The following C10orf90 variants were observed in gnomAD, a reference collection of about 807,000 sequenced individuals.
C10orf90 encodes (E2-independent) E3 ubiquitin-conjugating enzyme FATS.
In C10orf90, 56 loss-of-function variants were observed where a neutral mutation model predicts 62.5. The observed-to-expected ratio is 0.90, with a 90% confidence interval of 0.72 to 1.12. C10orf90 has a LOEUF of 1.12. Among genes scored for constraint, C10orf90 ranks in the 50% most tolerant of loss-of-function variants. The pLI, the probability that C10orf90 is intolerant of heterozygous loss-of-function variation, is 0.00. For synonymous variants in C10orf90, 386 were observed against 340.4 expected, an observed-to-expected ratio of 1.13 and a Z score of -1.47; for missense variants, 970 against 880.4, an observed-to-expected ratio of 1.10 and a Z score of -1.29.
At chr10:126,642,515 G>A (rs969253182) in intron 2 of C10orf90, among the ~76,000 whole-genome samples, 2 of 152,034 alleles carry the variant, frequency 1.3e-5, no homozygotes, top group African/African-American at 2.4e-5. Context: ...CTGGGCGACA[G>A]AGCGAGACTC....
chr10:126,654,606 G>A (rs1846355981), intron 1 of C10orf90, among the ~76,000 whole-genome samples: 1 of 152,182 alleles, frequency 6.6e-6, no homozygotes, highest in Non-Finnish European at 1.5e-5. Flanking sequence ...TCATTCCTGT[G>A]TTCACTGGAG....
In C10orf90 at chr10:126,504,576, C is replaced by T. The variant is rs751421327; in HGVS notation, c.915G>A (p.Lys305=). The part of the protein sequence containing the change: ...FSRNSSVVRL[K]VPEAHTGLCE... ...ACAACCCAGTGTGGGCCTCGGGAAC[C>T]TTCAGCCGCACCACGGAGCTGTTTC... Residue 305 remains lysine (K), a synonymous_variant, in exon 4 of 10, where the codon AAG becomes AAA. Transcript: ENST00000488181. The surrounding 1 kb of genome is among the most constrained non-coding windows in gnomAD (Gnocchi z 4.1). 3.1e-6 allele frequency: 5 copies of T among 1,614,220 alleles called. No homozygotes were observed. The highest frequency in any genetic ancestry group is 4.2e-6 in the Non-Finnish European group (5 of 1,180,040).
intron 2 of C10orf90, among the ~76,000 whole-genome samples, chr10:126,622,978 A>T (rs1490714091): frequency 1.3e-5 from 2 of 152,234 alleles, no homozygotes. Context: ...TATTAAGAAT[A>T]ACATCTGATT....
At chr10:126,607,411 A>G (rs909767258) in intron 2 of C10orf90, among the ~76,000 whole-genome samples, 10 of 152,218 alleles carry the variant, frequency 6.6e-5, no homozygotes, top group African/African-American at 2.4e-4. Context: ...AAGAAATACT[A>G]ACAAACTATG....
intron 3 of C10orf90, chr10:126,511,902 C>T (rs1450451305): frequency 6.6e-6 from 1 of 151,830 alleles, no homozygotes; most frequent in East Asian, 1.9e-4. Flanking sequence ...TCTGCATTTA[C>T]TCCTTTTAAA....
At chr10:126,507,851 C>T (rs1862850057) in intron 3 of C10orf90, among the ~76,000 whole-genome samples, 1 of 152,152 alleles carries the variant, frequency 6.6e-6, no homozygotes, top group Admixed American at 6.5e-5. Flanking sequence ...ATCCCTTCCC[C>T]TTGTAGCACT....
intron 3 of C10orf90, among the ~76,000 whole-genome samples, chr10:126,510,178 C>A (rs550100160): frequency 2.4e-4 from 37 of 152,266 alleles, no homozygotes; most frequent in African/African-American, 8.4e-4. Flanking sequence ...CAGTCACATT[C>A]TGAGAAAGTA....
chr10:126,425,751 C>T lies in C10orf90; in HGVS notation c.*113G>A, dbSNP rs1200511782. 2.3e-5 allele frequency: 26 copies of T among 1,136,892 alleles called. No individual in the cohort carries two copies. The highest frequency in any genetic ancestry group is 4.9e-5 in the South Asian group (3 of 60,610). The allele number at this position is 1,136,892 out of a possible 1,614,324, so 70.4% of individuals were successfully genotyped here. A position where few individuals can be genotyped will look rare whatever the true frequency, so the allele number is the denominator to read the frequency against. The stretch of plus-strand genomic sequence containing the variant: ...GTTTTCCTTTATGGAAAAAAAAAAT[C>T]GAAAGTAAAATAAGTGTTTTCCCAT... On this transcript the variant is annotated 3_prime_UTR_variant, in exon 10 of 10. Coordinates refer to ENST00000488181, the MANE Select transcript of C10orf90 (RefSeq NM_001350921.2).
chr10:126,470,869 CT>C (rs113491322), intron 4 of C10orf90, among the ~76,000 whole-genome samples: 2 of 151,818 alleles, frequency 1.3e-5, no homozygotes, highest in East Asian at 3.9e-4. Flanking sequence ...ATTTTCTCTG[CT>C]TTTTTTTCTG....
At chr10:126,429,659 C>T in intron 8 of C10orf90, 128 bp downstream of exon 8, 2 of 701,512 alleles carry the variant, frequency 2.9e-6, no homozygotes, top group Non-Finnish European at 5.0e-6. Context: ...TTCAGATTTG[C>T]AGCCAAAAAG....
At chr10:126,631,945 CTG>C (rs2133830722) in intron 2 of C10orf90, among the ~76,000 whole-genome samples, 2 of 152,208 alleles carry the variant, frequency 1.3e-5, no homozygotes, top group East Asian at 3.9e-4. Flanking sequence ...GGACCAGACA[CTG>C]TCCTCACGTG....
chr10:126,429,652 A>C (rs930849338), intron 8 of C10orf90, 135 bp downstream of exon 8: 1 of 675,088 alleles, frequency 1.5e-6, no homozygotes, highest in African/African-American at 1.8e-5. Flanking sequence ...CCGTTTTTTC[A>C]GATTTGCAGC....
At chr10:126,564,347 G>T (rs1284552845) in intron 2 of C10orf90, among the ~76,000 whole-genome samples, 2 of 151,858 alleles carry the variant, frequency 1.3e-5, no homozygotes, top group Non-Finnish European at 2.9e-5. Context: ...CTCTAACCTG[G>T]GTCCCAAAGG....
Position 126,482,880 on chromosome 10 carries a change from T to C in C10orf90, c.1535-17894A>G, listed in dbSNP as rs551131939. On this transcript the variant is annotated intron_variant, in intron 4 of 9. Transcript: ENST00000488181. ...AATCCAAGTTTTGGGAAAATTTCTC[T>C]GCTGGAAAAGGAGTTAAGGAACAAG... 5.3e-5 allele frequency among the ~76,000 whole-genome samples: 8 copies of C among 152,326 alleles called. No homozygotes were observed. The South Asian group carries it at 1.7e-3, about 32-fold the overall frequency.
intron 2 of C10orf90, among the ~76,000 whole-genome samples, chr10:126,572,840 C>T (rs1466867874): frequency 6.6e-6 from 1 of 152,024 alleles, no homozygotes; most frequent in East Asian, 2.0e-4. Context: ...TGACAGCTTA[C>T]AAATGCAACG....
chr10:126,641,358 A>T (rs1449933579), intron 2 of C10orf90, among the ~76,000 whole-genome samples: 4 of 152,138 alleles, frequency 2.6e-5, no homozygotes, highest in Non-Finnish European at 5.9e-5. Flanking sequence ...AATCATCCTC[A>T]AGTTTTAAGT....
chr10:126,523,590 C>T (rs187852564), intron 2 of C10orf90: 1 of 152,310 alleles, frequency 6.6e-6, no homozygotes, highest in East Asian at 1.9e-4. Flanking sequence ...ATAAAATACA[C>T]ATAAAATGTA....
chr10:126,504,873 G>A lies in C10orf90; in HGVS notation c.618C>T (p.Ile206=). ...AFALLPGRLG[I]PAPSDERGPE... ...GTCCTCGCTCATCTGACGGTGCCGG[G>A]ATTCCTAATCTGCCCGGAAGTAACG... The change falls in exon 4 of 10, where the codon ATC becomes ATT. Residue 206 remains isoleucine, a synonymous_variant. Coordinates refer to ENST00000488181, the MANE Select transcript of C10orf90 (RefSeq NM_001350921.2). The surrounding 1 kb of genome is among the most constrained non-coding windows in gnomAD (Gnocchi z 4.1). 1 of 1,613,754 alleles carries A rather than the reference G, an allele frequency of 6.2e-7. No homozygotes were observed. The highest frequency in any genetic ancestry group is 8.5e-7 in the Non-Finnish European group (1 of 1,179,726).
At chr10:126,428,242 T>C (rs1321775721) in intron 8 of C10orf90, among the ~76,000 whole-genome samples, 1 of 152,070 alleles carries the variant, frequency 6.6e-6, no homozygotes, top group Non-Finnish European at 1.5e-5. Context: ...CCTGACAGGA[T>C]ACTCAGGAGA....
Sources: gnomAD v4.1 joint callset for allele counts (sites outside exome capture counted in the v4.1 genomes callset) on GRCh38, gnomAD v4.1.1 for gene constraint, Gnocchi (gnomAD v3.1) non-coding constraint, MANE v1.5 for transcripts, NCBI Gene and HGNC (gene_info 2026-07-23, HGNC 2026-07-21) for gene names.